The following DST variants were observed in gnomAD, a reference collection of about 807,000 sequenced individuals.
The protein encoded by DST is dystonin, also known as bullous pemphigoid antigen.
DST carries 253 observed loss-of-function variants against 875.2 expected under a neutral mutation model. The ratio of observed to expected loss-of-function variants is 0.29; its 90% CI spans 0.26 to 0.32. The LOEUF (loss-of-function observed/expected upper bound fraction) is 0.32. DST is among the 10% of genes least tolerant of loss of function. The pLI, the probability that DST is intolerant of heterozygous loss-of-function variation, is 1.00. For synonymous variants in DST, 3,124 were observed against 3,197.1 expected (o/e 0.98, Z 0.77); for missense variants, 8,287 against 9,111.6 (o/e 0.91, Z 3.68).
In DST at chr6:56,477,582, A is replaced by C. The variant is rs143829689; in HGVS notation, c.21532-94T>G. On this transcript the variant is annotated intron_variant, in intron 90 of 103. Transcript: ENST00000680361. The stretch of plus-strand genomic sequence containing the variant: ...TTTGACTGCCAGAATTAAACAAATA[A>C]ACAAAAACTTCAATTGGTTTATTCA... The C allele has an allele frequency of 9.8e-5, 147 of 1,499,956 alleles. 2 individuals are homozygous for C. In the African/African-American group the frequency reaches 1.7e-3, roughly 17 times the overall value. The allele number at this position is 1,499,956 out of a possible 1,614,324, so 92.9% of individuals were successfully genotyped here. A position where few individuals can be genotyped will look rare whatever the true frequency, so the allele number is the denominator to read the frequency against.
At chr6:56,461,420 C>T (rs2094324182) in intron 102 of DST, 1 of 152,222 alleles carries the variant, frequency 6.6e-6, no homozygotes. Flanking sequence ...CAATGCTGAT[C>T]TAGCTAAATT....
chr6:56,891,931 G>A (rs1787755461), intron 3 of DST, among the ~76,000 whole-genome samples: 1 of 152,162 alleles, frequency 6.6e-6, no homozygotes, highest in South Asian at 2.1e-4. Context: ...CTTCAGGAGA[G>A]AGGGTGAGGC....
chr6:56,501,422 G>C, intron 79 of DST, 98 bp downstream of exon 79: 1 of 1,163,968 alleles, frequency 8.6e-7, no homozygotes, highest in Non-Finnish European at 1.2e-6. Flanking sequence ...GAATATATGA[G>C]AAGCAGAAAT....
chr6:56,609,421 T>A (rs191948657), intron 39 of DST, 77 bp from the exon 40 acceptor site: 36,842 of 1,003,856 alleles, frequency 0.037, 875 homozygotes, highest in Non-Finnish European at 0.046. Flanking sequence ...TTAGGTTTTT[T>A]AAAAAATAAA....
chr6:56,497,753 A>T, intron 81 of DST, 103 bp downstream of exon 81: 2 of 1,111,428 alleles, frequency 1.8e-6, no homozygotes, highest in Non-Finnish European at 1.3e-6. Context: ...TCCTCTCCTT[A>T]AGGTATAAAA....
chr6:56,568,589 G>T lies in DST; in HGVS notation c.13885C>A (p.Gln4629Lys), dbSNP rs1207366191. 8 of 1,600,572 alleles carry T rather than the reference G, an allele frequency of 5.0e-6. No individual in the cohort carries two copies. The highest frequency in any genetic ancestry group is 6.8e-6 in the Non-Finnish European group (8 of 1,173,114). Reference sequence around the variant, plus strand: ...GGTGTTTTTAAACTCCACTTTTCTTGTAATTTCTTGAGATATAAAAACACA... The same window carrying T: ...GGTGTTTTTAAACTCCACTTTTCTTTTAATTTCTTGAGATATAAAAACACA... The part of the protein sequence containing the change: ...GKSLEDTKKL[Q>K]EKWSLKTPEI... The change falls in exon 55 of 104, where the codon CAA becomes AAA. Residue 4629 changes from glutamine (Q) to lysine (K), a missense_variant. Gln to Lys is a moderately conservative substitution (Grantham distance 53). Around this residue, in one of 10 missense-constraint regions of DST, gnomAD observed 1,513 missense variants for 1,677.8 expected, o/e 0.90. Coordinates refer to ENST00000680361, the MANE Select transcript of DST (RefSeq NM_001374736.1).
At chr6:56,539,243 C>G (rs1217840961) in intron 61 of DST, among the ~76,000 whole-genome samples, 1 of 151,682 alleles carries the variant, frequency 6.6e-6, no homozygotes, top group Admixed American at 6.6e-5. Flanking sequence ...TCTAAAGTGC[C>G]CCCAAAAATA....
At position 56,501,076 on chromosome 6, in the gene DST, G is replaced by A. The variant is rs368685568; in HGVS notation, c.19896+4C>T. 83 of 1,611,608 alleles carry A rather than the reference G, an allele frequency of 5.2e-5. No homozygotes were observed. Among genetic ancestry groups the A allele is most frequent in the Non-Finnish European group, 6.8e-5 (80 of 1,178,700 alleles). ...AAACATAACATGCATTAACAGCTACGTACATGATGCTTGGCAAGTTCAATT... is the reference window on the plus strand; with the variant it reads ...AAACATAACATGCATTAACAGCTACATACATGATGCTTGGCAAGTTCAATT... On this transcript the variant is annotated splice_donor_region_variant and intron_variant, in intron 80 of 103. Coordinates refer to ENST00000680361, the MANE Select transcript of DST (RefSeq NM_001374736.1).
At chr6:56,629,569 C>A in intron 31 of DST, 126 bp from the exon 32 acceptor site, 1 of 733,332 alleles carries the variant, frequency 1.4e-6, no homozygotes, top group Non-Finnish European at 2.3e-6. Flanking sequence ...GAAAGAATAT[C>A]TTTCATATGC....
At chr6:56,621,913 C>T (rs1273435164) in intron 36 of DST, among the ~76,000 whole-genome samples, 1 of 152,066 alleles carries the variant, frequency 6.6e-6, no homozygotes, top group Non-Finnish European at 1.5e-5. Flanking sequence ...TCTTGATCTC[C>T]AATAATTTTG....
chr6:56,712,015 C>T (rs1012316395), intron 5 of DST, among the ~76,000 whole-genome samples: 1 of 145,728 alleles, frequency 6.9e-6, no homozygotes, highest in East Asian at 2.0e-4. Flanking sequence ...GGCGTGAACC[C>T]GGGAGGCGGA....
chr6:56,937,938 T>C (rs1014449158), intron 2 of DST, among the ~76,000 whole-genome samples: 7 of 152,120 alleles, frequency 4.6e-5, no homozygotes, highest in African/African-American at 9.7e-5. Context: ...TTATATGCAA[T>C]GTCCAGGAGA....
At chr6:56,626,954 A>T (rs549772150) in intron 34 of DST, among the ~76,000 whole-genome samples, 1 of 152,076 alleles carries the variant, frequency 6.6e-6, no homozygotes, top group African/African-American at 2.4e-5. Flanking sequence ...GTGATAAGAA[A>T]CCAACTACAG....
chr6:56,720,403 G>A (rs1235192670), intron 5 of DST, among the ~76,000 whole-genome samples: 1 of 150,444 alleles, frequency 6.6e-6, no homozygotes, highest in African/African-American at 2.5e-5. Flanking sequence ...TTCTCGGAGA[G>A]AGGGATTTGG....
At chr6:56,762,181 C>T (rs1251531624) in intron 4 of DST, among the ~76,000 whole-genome samples, 3 of 152,198 alleles carry the variant, frequency 2.0e-5, no homozygotes, top group Middle Eastern at 3.4e-3. Context: ...CCACCACGCC[C>T]GGCTAATTTT....
At chr6:56,655,837 G>A (rs1291138823) in intron 10 of DST, among the ~76,000 whole-genome samples, 12 of 152,056 alleles carry the variant, frequency 7.9e-5, no homozygotes, top group East Asian at 1.9e-4. Flanking sequence ...CCCAAATGCC[G>A]TCTGTTATCT....
At chr6:56,887,633 G>T (rs34714091) in intron 3 of DST, among the ~76,000 whole-genome samples, 21,442 of 152,098 alleles carry the variant, frequency 0.14, 1,967 homozygotes, top group Middle Eastern at 0.23. Context: ...GGAGATTAAA[G>T]AATTTAAGGT....
intron 2 of DST, among the ~76,000 whole-genome samples, chr6:56,927,380 A>G (rs1383814621): frequency 6.6e-6 from 1 of 152,202 alleles, no homozygotes; most frequent in Non-Finnish European, 1.5e-5. Context: ...GATTAGCAAA[A>G]ATGTGGGAGA....
chr6:56,496,289 A>C (rs2095900222), intron 82 of DST, among the ~76,000 whole-genome samples: 1 of 152,130 alleles, frequency 6.6e-6, no homozygotes, highest in South Asian at 2.1e-4. Flanking sequence ...CCCACATTTC[A>C]AGTCTCATCA....
Sources: gnomAD v4.1 joint callset for allele counts (sites outside exome capture counted in the v4.1 genomes callset) on GRCh38, gnomAD v4.1.1 for gene constraint, gnomAD v4.1.1 regional missense constraint, MANE v1.5 for transcripts, NCBI Gene and HGNC (gene_info 2026-07-23, HGNC 2026-07-21) for gene names.